Variants in UNC5C observed in about 807,000 individuals in gnomAD.
UNC5C encodes the protein netrin receptor UNC5C.
UNC5C carries 47 observed loss-of-function variants against 99.8 expected under a neutral mutation model. The observed-to-expected ratio is 0.47, with a 90% CI of 0.37 to 0.60. The LOEUF is 0.60. Among genes scored for constraint, UNC5C ranks in the 20% least tolerant of loss-of-function variants. UNC5C has a pLI of 0.00. For synonymous variants in UNC5C, 487 were observed against 452.2 expected (o/e 1.08, Z -0.98); for missense variants, 1,062 against 1,165.9 (o/e 0.91, Z 1.30).
At chr4:95,269,869 C>T (rs569420940) in intron 4 of UNC5C, among the ~76,000 whole-genome samples, 4 of 152,130 alleles carry the variant, frequency 2.6e-5, no homozygotes, top group South Asian at 2.1e-4. Context: ...TGCACCACCA[C>T]GCCCGGCTAA....
At chr4:95,351,710 A>G (rs541917633) in intron 1 of UNC5C, among the ~76,000 whole-genome samples, 1 of 149,186 alleles carries the variant, frequency 6.7e-6, no homozygotes, top group Non-Finnish European at 1.5e-5. Flanking sequence ...ATTAAAAAAA[A>G]TATGTATCTT....
chr4:95,436,764 G>T (rs115771265), intron 1 of UNC5C, among the ~76,000 whole-genome samples: 3,294 of 151,896 alleles, frequency 0.022, 53 homozygotes, highest in Non-Finnish European at 0.033. Flanking sequence ...AAGGGTGTGG[G>T]AAAGATGCCC....
Position 95,166,889 on chromosome 4 carries a change from T to C in UNC5C, c.*2345A>G, listed in dbSNP as rs1445409906. 6.6e-6 allele frequency: 1 copy of C among 152,184 alleles called. No individual in the cohort carries two copies. The highest frequency in any genetic ancestry group is 2.4e-5 in the African/African-American group (1 of 41,446). The allele number at this position is 152,184 out of a possible 1,614,324, so 9.4% of individuals were successfully genotyped here. ...CATTGCTACAAACATCCACTGAACT[T>C]GTTTATAGTGCAATCTCTCCCTTCC... On this transcript the variant is annotated 3_prime_UTR_variant, in exon 16 of 16. Transcript: ENST00000453304.
At position 95,548,740 on chromosome 4, in the gene UNC5C, C is replaced by A; in HGVS notation, c.118G>T (p.Ala40Ser). 2 of 1,612,470 alleles carry A rather than the reference C, an allele frequency of 1.2e-6. No individual in the cohort carries two copies. The highest frequency in any genetic ancestry group is 1.1e-5 in the South Asian group (1 of 91,004). ...LLSASGTGSAAQDDDFFHELP... is the reference protein window; with the variant it reads ...LLSASGTGSASQDDDFFHELP... Reference sequence around the variant, plus strand: ...GCTTGGCGGACCCCCTTACCTTGGGCGGCGGAGCCAGTGCCGCTGGCGCTG... The same window carrying A: ...GCTTGGCGGACCCCCTTACCTTGGGAGGCGGAGCCAGTGCCGCTGGCGCTG... The change falls in exon 1 of 16, where the codon GCC becomes TCC. Residue 40 changes from alanine (A) to serine (S), a missense_variant. Physicochemically the swap from Ala to Ser is moderately conservative, Grantham distance 99 (BLOSUM62 1). Coordinates refer to ENST00000453304, the MANE Select transcript of UNC5C (RefSeq NM_003728.4).
chr4:95,309,392 AC>A (rs1742191642), intron 2 of UNC5C, among the ~76,000 whole-genome samples: 1 of 152,138 alleles, frequency 6.6e-6, no homozygotes, highest in Admixed American at 6.6e-5. Context: ...TTTTAATATG[AC>A]CCCAAAAACA....
At chr4:95,325,545 A>AACG (rs1742852407) in intron 2 of UNC5C, among the ~76,000 whole-genome samples, 2 of 152,180 alleles carry the variant, frequency 1.3e-5, no homozygotes, top group South Asian at 4.2e-4. Context: ...AGGTATCTGA[A>AACG]ACAGGAATAC....
chr4:95,181,106 G>A (rs185955072), intron 14 of UNC5C, among the ~76,000 whole-genome samples: 218 of 152,192 alleles, frequency 1.4e-3, no homozygotes, highest in African/African-American at 5.0e-3. Flanking sequence ...AGGAAAAGCC[G>A]CAGAGTGCCC....
In UNC5C at chr4:95,369,500, C is replaced by A. The variant is rs887374976; in HGVS notation, c.125-33869G>T. On this transcript the variant is annotated intron_variant, in intron 1 of 15. Transcript: ENST00000453304. ...CCAGGAGGCAGAGATTGCAGTGAGC[C>A]GAGATTGCTTGCGCCACTGCACTCC... 6.6e-5 allele frequency among the ~76,000 whole-genome samples: 10 copies of A among 151,846 alleles called. No homozygotes were observed. In the South Asian group the frequency reaches 2.1e-3, roughly 32 times the overall value.
At chr4:95,518,170 G>A (rs1485603) in intron 1 of UNC5C, among the ~76,000 whole-genome samples, 50,470 of 151,998 alleles carry the variant, frequency 0.33, 9,611 homozygotes, top group South Asian at 0.45. Flanking sequence ...AGAACTAAGG[G>A]TAGGCAATCT....
chr4:95,531,922 A>T (rs1722654300), intron 1 of UNC5C, among the ~76,000 whole-genome samples: 1 of 152,228 alleles, frequency 6.6e-6, no homozygotes, highest in Non-Finnish European at 1.5e-5. Context: ...AAGTCAATGT[A>T]TTTTGTCAAT....
At chr4:95,297,636 C>G (rs900290103) in intron 3 of UNC5C, among the ~76,000 whole-genome samples, 17 of 152,104 alleles carry the variant, frequency 1.1e-4, no homozygotes, top group Admixed American at 3.9e-4. Context: ...GAAAGGAATG[C>G]CCAGCCTCCT....
At chr4:95,346,386 T>A (rs1031984412) in intron 1 of UNC5C, among the ~76,000 whole-genome samples, 2 of 151,936 alleles carry the variant, frequency 1.3e-5, no homozygotes, top group Admixed American at 6.6e-5. Context: ...TCTCAAACTA[T>A]TTCAAAAAAA....
At chr4:95,420,718 G>T (rs1352123997) in intron 1 of UNC5C, among the ~76,000 whole-genome samples, 1 of 152,022 alleles carries the variant, frequency 6.6e-6, no homozygotes, top group Non-Finnish European at 1.5e-5. Context: ...GGGCATCTGT[G>T]GCTGAATACA....
rs148623163 is a variant in UNC5C, at chr4:95,325,654, C to T, written c.346+9756G>A. Among the ~76,000 whole-genome samples, 1,150 of 152,254 alleles carry T rather than the reference C, an allele frequency of 7.6e-3. 14 individuals carry two copies. Among genetic ancestry groups the T allele is most frequent in the African/African-American group, 0.026 (1,092 of 41,554 alleles). ...CTAGGTTTTGATTAGAAGCAATTCA[C>T]TTAAATTTATGCCCAATTATAGCTT... On this transcript the variant is annotated intron_variant, in intron 2 of 15. Coordinates refer to ENST00000453304, the MANE Select transcript of UNC5C (RefSeq NM_003728.4).
At chr4:95,423,293 C>T (rs1242532004) in intron 1 of UNC5C, among the ~76,000 whole-genome samples, 1 of 152,190 alleles carries the variant, frequency 6.6e-6, no homozygotes, top group Non-Finnish European at 1.5e-5. Context: ...TTTGGCCATG[C>T]TGCCCAGAAA....
At chr4:95,201,787 G>T (rs949281524) in intron 12 of UNC5C, among the ~76,000 whole-genome samples, 1 of 152,044 alleles carries the variant, frequency 6.6e-6, no homozygotes, top group African/African-American at 2.4e-5. Flanking sequence ...TGTATTTTTA[G>T]TAGAGACGGG....
At chr4:95,431,740 T>C (rs1489949499) in intron 1 of UNC5C, among the ~76,000 whole-genome samples, 2 of 152,050 alleles carry the variant, frequency 1.3e-5, no homozygotes, top group African/African-American at 4.8e-5. Flanking sequence ...TTAAAGTGTG[T>C]GTGTGTATTC....
intron 1 of UNC5C, among the ~76,000 whole-genome samples, chr4:95,382,934 C>G (rs78626943): frequency 0.012 from 1,876 of 152,250 alleles, 29 homozygotes; most frequent in African/African-American, 0.043. Flanking sequence ...GGCTATCAGT[C>G]TTGTGGGCTG....
chr4:95,286,726 TG>T (rs774616896), intron 3 of UNC5C, among the ~76,000 whole-genome samples: 6 of 152,196 alleles, frequency 3.9e-5, no homozygotes, highest in Non-Finnish European at 5.9e-5. Flanking sequence ...AATGGAGATG[TG>T]GGTACAAAAC....
Sources: gnomAD v4.1 joint callset for allele counts (sites outside exome capture counted in the v4.1 genomes callset) on GRCh38, gnomAD v4.1.1 for gene constraint, MANE v1.5 for transcripts, NCBI Gene and HGNC (gene_info 2026-07-23, HGNC 2026-07-21) for gene names.